The following COL28A1 variants were observed in gnomAD, a reference collection of about 807,000 sequenced individuals.
The protein encoded by COL28A1 is collagen alpha-1(XXVIII) chain.
COL28A1 carries 161 observed loss-of-function variants against 150.2 expected under a neutral mutation model. The ratio of observed to expected loss-of-function variants is 1.07; its 90% CI spans 0.94 to 1.22. The LOEUF is 1.22. Among genes scored for constraint, COL28A1 ranks in the 50% most tolerant of loss-of-function variants. The pLI is 0.00. For missense variants in COL28A1, 1,617 were observed against 1,388.3 expected, an observed-to-expected ratio of 1.16 and a Z score of -2.62; for synonymous variants, 552 against 469.7, an observed-to-expected ratio of 1.18 and a Z score of -2.26.
At chr7:7,448,012 G>A (rs1417677031) in intron 18 of COL28A1, among the ~76,000 whole-genome samples, 3 of 152,192 alleles carry the variant, frequency 2.0e-5, no homozygotes, top group Non-Finnish European at 4.4e-5. Flanking sequence ...GCTGCAGTGA[G>A]TCAAGAGCAT....
chr7:7,402,032 A>AT (rs1171677337), intron 27 of COL28A1, among the ~76,000 whole-genome samples: 1 of 152,254 alleles, frequency 6.6e-6, no homozygotes, highest in Non-Finnish European at 1.5e-5. Context: ...AACAATGCTC[A>AT]TAAGGGAGGC....
intron 25 of COL28A1, among the ~76,000 whole-genome samples, chr7:7,423,660 T>A (rs1429785174): frequency 3.3e-5 from 5 of 151,856 alleles, no homozygotes; most frequent in African/African-American, 9.7e-5. Context: ...TAATTCATGA[T>A]TTTTTTTGTG....
At chr7:7,420,094 T>C in intron 25 of COL28A1, 141 bp from the exon 26 acceptor site, 1 of 449,574 alleles carries the variant, frequency 2.2e-6, no homozygotes, top group South Asian at 6.1e-5. Context: ...CACTTTTCTA[T>C]TACCACCTAG....
At chr7:7,437,577 C>G in intron 21 of COL28A1, 115 bp from the exon 22 acceptor site, 1 of 1,383,296 alleles carries the variant, frequency 7.2e-7, no homozygotes, top group African/African-American at 1.5e-5. Context: ...TGACCTCTAT[C>G]TGTTTCAAAG....
At chr7:7,393,478 C>T (rs147038192) in intron 27 of COL28A1, among the ~76,000 whole-genome samples, 194 of 152,348 alleles carry the variant, frequency 1.3e-3, no homozygotes, top group Non-Finnish European at 2.2e-3. Flanking sequence ...AGAGCTTGAA[C>T]GCTGGGCTGG....
chr7:7,458,148 G>A (rs1224304679), intron 15 of COL28A1, among the ~76,000 whole-genome samples: 1 of 152,192 alleles, frequency 6.6e-6, no homozygotes, highest in African/African-American at 2.4e-5. Context: ...TGGGCGCCGT[G>A]GCTCACGCCT....
At chr7:7,338,627 A>C in the COL28A1 span, among the ~76,000 whole-genome samples, 93,853 of 152,006 alleles carry the variant, frequency 0.62, 32,927 homozygotes, top group East Asian at 0.88. Flanking sequence ...ATCATATCTC[A>C]GTGAAGAAAG....
Position 7,457,438 on chromosome 7 carries a change from G to T in COL28A1, c.1303-1326C>A, listed in dbSNP as rs547958971. ...CATTGACTGAGAAGAAAAAGCCTGA[G>T]AGAAAAGCAAGGTTTGAGGTGGAGG... On this transcript the variant is annotated intron_variant, in intron 15 of 34. Transcript: ENST00000399429. Among the ~76,000 whole-genome samples, 4 of 152,254 alleles carry T rather than the reference G, an allele frequency of 2.6e-5. No individual in the cohort carries two copies. The South Asian group carries it at 8.3e-4, about 32-fold the overall frequency.
chr7:7,379,989 G>A (rs550285870), intron 30 of COL28A1, among the ~76,000 whole-genome samples: 129 of 152,158 alleles, frequency 8.5e-4, no homozygotes, highest in Admixed American at 1.5e-3. Flanking sequence ...CTAGTACATC[G>A]AATCAGCCCC....
chr7:7,478,777 G>T (rs1300283896), intron 13 of COL28A1, among the ~76,000 whole-genome samples: 1 of 152,276 alleles, frequency 6.6e-6, no homozygotes, highest in Non-Finnish European at 1.5e-5. Flanking sequence ...CTCCGCAGCT[G>T]CTGGCGCGGG....
rs1308211853 is a variant in COL28A1 at position 7,531,415 on chromosome 7, TC to T, written c.613del (p.Asp205IlefsTer10). The stretch of plus-strand genomic sequence containing the variant: ...CAGTAAAGTGGGTTCACTGGATGAA[TC>T]CCCAGAAATCAAACGAAGTTTGGCT... ...NEAKLRLISG[D>X]SSSEPTLLLS... On this transcript the variant is annotated frameshift_variant, in exon 3 of 35. Coordinates refer to ENST00000399429, the MANE Select transcript of COL28A1 (RefSeq NM_001037763.3). LOFTEE classifies it high-confidence loss of function. 6.3e-7 allele frequency: 1 copy of T among 1,599,854 alleles called. No individual in the cohort carries two copies. Among genetic ancestry groups the T allele is most frequent in the South Asian group, 1.1e-5 (1 of 89,872 alleles).
At position 7,521,970 on chromosome 7, in the gene COL28A1, A is replaced by T. The variant is rs1450620177; in HGVS notation, c.703-9T>A. ...CAAATCTTGCGTTCACACTGAATCA[A>T]TAATGAAATATGATATTAACACACA... On this transcript the variant is annotated splice_polypyrimidine_tract_variant and intron_variant, in intron 4 of 34. Coordinates refer to ENST00000399429, the MANE Select transcript of COL28A1 (RefSeq NM_001037763.3). 1.0e-6 allele frequency: 1 copy of T among 977,974 alleles called. No homozygotes were observed. Among genetic ancestry groups the T allele is most frequent in the Admixed American group, 1.7e-5 (1 of 59,308 alleles). 60.6% of individuals were successfully genotyped at this position (977,974 alleles called of 1,614,324 possible). A position where few individuals can be genotyped will look rare whatever the true frequency, so the allele number is the denominator to read the frequency against.
At chr7:7,517,672 C>T (rs1305928362) in intron 7 of COL28A1, 124 bp downstream of exon 7, 1 of 1,379,462 alleles carries the variant, frequency 7.2e-7, no homozygotes, top group African/African-American at 1.4e-5. Flanking sequence ...CTTCTTGAGC[C>T]ATCAAGAGCA....
At chr7:7,370,121 A>G (rs1383729365) in intron 33 of COL28A1, among the ~76,000 whole-genome samples, 107 of 152,168 alleles carry the variant, frequency 7.0e-4, no homozygotes, top group Non-Finnish European at 7.3e-5. Context: ...ATTTGTTTCA[A>G]TTGATTCAGG....
chr7:7,370,291 T>C (rs1181075065), intron 33 of COL28A1, among the ~76,000 whole-genome samples: 1 of 152,046 alleles, frequency 6.6e-6, no homozygotes, highest in Non-Finnish European at 1.5e-5. Flanking sequence ...GAGTGGCCAG[T>C]TGGGCATATG....
At chr7:7,501,137 TAAAAGAATGCTAAG>T (rs1780500217) in intron 11 of COL28A1, among the ~76,000 whole-genome samples, 1 of 152,116 alleles carries the variant, frequency 6.6e-6, no homozygotes, top group Non-Finnish European at 1.5e-5. Flanking sequence ...GTCTCATAGG[TAAAAGAATGCTAAG>T]TTTCTTACAC....
the COL28A1 span, among the ~76,000 whole-genome samples, chr7:7,342,358 T>A: frequency 6.6e-6 from 1 of 151,562 alleles, no homozygotes; most frequent in Non-Finnish European, 1.5e-5. Context: ...AAAGAATGTA[T>A]AGTTAGATAT....
At chr7:7,338,403 C>A in the COL28A1 span, among the ~76,000 whole-genome samples, 1 of 152,062 alleles carries the variant, frequency 6.6e-6, no homozygotes, top group Admixed American at 6.6e-5. Context: ...TTGTAAAGAT[C>A]TTTCTGCTCC....
chr7:7,429,133 T>G (rs1784797841), intron 25 of COL28A1, among the ~76,000 whole-genome samples: 1 of 152,196 alleles, frequency 6.6e-6, no homozygotes, highest in Non-Finnish European at 1.5e-5. Flanking sequence ...TGTAAGTTAA[T>G]GCCTTAAGGC....
Sources: allele counts gnomAD v4.1 joint callset (sites outside exome capture counted in the v4.1 genomes callset), GRCh38; gene constraint gnomAD v4.1.1; transcripts MANE v1.5; gene names NCBI Gene and HGNC (gene_info 2026-07-23, HGNC 2026-07-21).